TGDS: variants seen among roughly 807,000 people sequenced by gnomAD.
TGDS encodes TDP-glucose 4,6-dehydratase.
Under a neutral mutation model 52.3 loss-of-function variants are expected in TGDS, and 47 were observed. That is an observed-to-expected ratio of 0.90 (90% CI 0.71 to 1.15). The LOEUF is 1.15. Among genes scored for constraint, TGDS ranks in the 50% most tolerant of loss-of-function variants. The pLI, the probability that TGDS is intolerant of heterozygous loss-of-function variation, is 0.00. For synonymous variants in TGDS, 115 were observed against 136.9 expected, an observed-to-expected ratio of 0.84 and a Z score of 1.12; for missense variants, 375 against 418.4, an observed-to-expected ratio of 0.90 and a Z score of 0.90.
At chr13:94,584,117 C>T (rs74526243) in intron 4 of TGDS, among the ~76,000 whole-genome samples, 149 of 152,326 alleles carry the variant, frequency 9.8e-4, no homozygotes, top group East Asian at 8.7e-3. Flanking sequence ...GTTTACAATT[C>T]CCTAAGGAAG....
chr13:94,590,824 T>A, intron 4 of TGDS, 29 bp downstream of exon 4: 1 of 1,517,804 alleles, frequency 6.6e-7, no homozygotes, highest in Non-Finnish European at 8.8e-7. Flanking sequence ...GAACTGCCAA[T>A]CATAACTGTA....
At chr13:94,580,947 T>C in intron 6 of TGDS, 144 bp downstream of exon 6, 1 of 462,650 alleles carries the variant, frequency 2.2e-6, no homozygotes, top group Non-Finnish European at 3.7e-6. Flanking sequence ...GAGACCAGCC[T>C]GAGTGTCAGA....
Position 94,583,240 on chromosome 13 carries a change from A to G in TGDS, c.314-4T>C, listed in dbSNP as rs762327765. 2.5e-6 allele frequency: 4 copies of G among 1,609,884 alleles called. No individual in the cohort carries two copies. In the East Asian group the frequency reaches 8.9e-5, roughly 36 times the overall value. On this transcript the variant is annotated splice_polypyrimidine_tract_variant and splice_region_variant and intron_variant, in intron 4 of 11. Coordinates refer to ENST00000261296, the MANE Select transcript of TGDS (RefSeq NM_014305.4). ...AAGGCACGTACGAATGAAAGATCTA[A>G]AAGAAAAGAGTGAAAAGCTAAAACA...
intron 7 of TGDS, among the ~76,000 whole-genome samples, chr13:94,579,016 G>A (rs1888702439): frequency 6.6e-6 from 1 of 152,174 alleles, no homozygotes; most frequent in Non-Finnish European, 1.5e-5. Context: ...TGCAGAAAAA[G>A]TCTTCATCAG....
chr13:94,587,954 G>C (rs1488616249), intron 4 of TGDS, among the ~76,000 whole-genome samples: 1 of 142,076 alleles, frequency 7.0e-6, no homozygotes, highest in Non-Finnish European at 1.5e-5. Flanking sequence ...CCGAGATTGC[G>C]CCACTGCACT....
intron 3 of TGDS, among the ~76,000 whole-genome samples, chr13:94,591,315 G>C (rs1010233485): frequency 6.6e-6 from 1 of 152,140 alleles, no homozygotes; most frequent in African/African-American, 2.4e-5. Flanking sequence ...GCTGGGTGTG[G>C]TGGCTCACGC....
intron 3 of TGDS, among the ~76,000 whole-genome samples, chr13:94,591,550 G>A (rs1050051458): frequency 7.9e-5 from 12 of 152,260 alleles, no homozygotes; most frequent in African/African-American, 2.6e-4. Flanking sequence ...CTGAGATCAC[G>A]CCACTGCACT....
At chr13:94,592,395 G>A (rs1669031781) in intron 2 of TGDS, 86 bp from the exon 3 acceptor site, 4 of 1,009,168 alleles carry the variant, frequency 4.0e-6, no homozygotes, top group Non-Finnish European at 5.8e-6. Flanking sequence ...AAAGACTACA[G>A]ATGTTACTGG....
Position 94,578,776 on chromosome 13 carries a change from A to G in TGDS, c.616-3T>C. On this transcript the variant is annotated splice_polypyrimidine_tract_variant and splice_region_variant and intron_variant, in intron 7 of 11. Transcript: ENST00000261296. Reference sequence around the variant, plus strand: ...AAAGATATAAATTTTGGAATAACCTAAAAGAATATTTAAATATCATTTCAG... The same window carrying G: ...AAAGATATAAATTTTGGAATAACCTGAAAGAATATTTAAATATCATTTCAG... 6.7e-7 allele frequency: 1 copy of G among 1,483,516 alleles called. No homozygotes were observed. The highest frequency in any genetic ancestry group is 9.4e-7 in the Non-Finnish European group (1 of 1,066,956). The allele number at this position is 1,483,516 out of a possible 1,614,324, so 91.9% of individuals were successfully genotyped here.
At chr13:94,595,967 C>G in intron 1 of TGDS, 84 bp downstream of exon 1, 4 of 1,546,100 alleles carry the variant, frequency 2.6e-6, no homozygotes, top group Middle Eastern at 1.7e-4. Context: ...AAGCTGGACC[C>G]AAATTACCTA....
upstream of TGDS, chr13:94,596,169 A>G (rs375662131): frequency 5.6e-6 from 9 of 1,604,854 alleles, no homozygotes; most frequent in Admixed American, 1.7e-5. Context: ...TACCGTAAAG[A>G]GTATGGTCTG....
At chr13:94,591,568 G>A (rs1889204921) in intron 3 of TGDS, among the ~76,000 whole-genome samples, 2 of 152,216 alleles carry the variant, frequency 1.3e-5, no homozygotes, top group African/African-American at 4.8e-5. Flanking sequence ...ACTCCAGCCT[G>A]GGTGACAGAG....
chr13:94,578,457 T>C (rs1229190866), intron 8 of TGDS, among the ~76,000 whole-genome samples: 1 of 152,202 alleles, frequency 6.6e-6, no homozygotes, highest in African/African-American at 2.4e-5. Flanking sequence ...AAATAAGTCC[T>C]TTGAGAAAGT....
Position 94,584,348 on chromosome 13 carries a change from G to C in TGDS, c.314-1112C>G, listed in dbSNP as rs1168533885. ...TCCGATCTACCTGGTGTCCTTAAAA[G>C]AAGAAATGTGGACTCACTGTGTGTT... is the stretch of plus-strand genomic sequence containing the variant. On this transcript the variant is annotated intron_variant, in intron 4 of 11. Transcript: ENST00000261296. Among the ~76,000 whole-genome samples the C allele has an allele frequency of 2.0e-5, 3 of 152,196 alleles. No homozygotes were observed. The East Asian group carries it at 5.8e-4, about 29-fold the overall frequency.
chr13:94,592,188 T>C, intron 3 of TGDS, 53 bp downstream of exon 3: 1 of 1,344,974 alleles, frequency 7.4e-7, no homozygotes, highest in Non-Finnish European at 1.0e-6. Context: ...AAAGATACTA[T>C]AATCTCTGCA....
At chr13:94,579,389 C>G (rs1459332929) in intron 7 of TGDS, 1 of 152,568 alleles carries the variant, frequency 6.6e-6, no homozygotes, top group Non-Finnish European at 1.5e-5. Flanking sequence ...TTATTCATTA[C>G]TTGTAGTACT....
At chr13:94,580,011 TA>T (rs1888730090) in intron 6 of TGDS, 58 bp from the exon 7 acceptor site, 1 of 1,170,386 alleles carries the variant, frequency 8.5e-7, no homozygotes, top group African/African-American at 1.6e-5. Context: ...ATGATTATTT[TA>T]AAGATAAGCA....
chr13:94,578,285 T>G, intron 8 of TGDS, 115 bp from the exon 9 acceptor site: 1 of 979,840 alleles, frequency 1.0e-6, no homozygotes, highest in Non-Finnish European at 1.5e-6. Context: ...CCCAGAATCT[T>G]TACTGAAAAT....
intron 4 of TGDS, among the ~76,000 whole-genome samples, chr13:94,583,563 C>G (rs1888877090): frequency 6.6e-6 from 1 of 152,014 alleles, no homozygotes; most frequent in Non-Finnish European, 1.5e-5. Flanking sequence ...CAGGGATAGG[C>G]TTTTTAAGAT....
Sources: allele counts gnomAD v4.1 joint callset (sites outside exome capture counted in the v4.1 genomes callset), GRCh38; gene constraint gnomAD v4.1.1; transcripts MANE v1.5; gene names NCBI Gene and HGNC (gene_info 2026-07-23, HGNC 2026-07-21).